SLC9A9: variants seen among roughly 807,000 people sequenced by gnomAD.
SLC9A9 encodes the protein solute carrier family 9 member A9.
In SLC9A9, 62 loss-of-function variants were observed where a neutral mutation model predicts 77.8. The ratio of observed to expected loss-of-function variants is 0.80; its 90% confidence interval spans 0.65 to 0.98. SLC9A9 has a LOEUF of 0.98. Among genes scored for constraint, SLC9A9 ranks in the 50% least tolerant of loss-of-function variants. SLC9A9 has a pLI of 0.00. For missense variants in SLC9A9, 775 were observed against 774.9 expected, an observed-to-expected ratio of 1.00 and a Z score of 0.00; for synonymous variants, 320 against 283.5, an observed-to-expected ratio of 1.13 and a Z score of -1.29.
intron 12 of SLC9A9, among the ~76,000 whole-genome samples, chr3:143,395,460 A>C (rs2033702777): frequency 6.6e-6 from 1 of 152,368 alleles, no homozygotes; most frequent in Middle Eastern, 3.4e-3. Flanking sequence ...AGATGGATTA[A>C]GGACTTAAAT....
In SLC9A9 at chr3:143,681,401, T is replaced by C. The variant is rs1424443693; in HGVS notation, c.649+11791A>G. Among the ~76,000 whole-genome samples the C allele has an allele frequency of 2.6e-5, 4 of 152,240 alleles. No individual in the cohort carries two copies. In the East Asian group the frequency reaches 7.7e-4, roughly 29 times the overall value. ...ATTTTATTCTCTTATAATGTATCGATGTAACAGGTTATGTTAATGGGTTCC... is the reference window on the plus strand; with the variant it reads ...ATTTTATTCTCTTATAATGTATCGACGTAACAGGTTATGTTAATGGGTTCC... On this transcript the variant is annotated intron_variant, in intron 5 of 15. Coordinates refer to ENST00000316549, the MANE Select transcript of SLC9A9 (RefSeq NM_173653.4).
intron 8 of SLC9A9, among the ~76,000 whole-genome samples, chr3:143,562,358 G>A (rs749693256): frequency 5.9e-5 from 9 of 152,218 alleles, no homozygotes; most frequent in Non-Finnish European, 1.2e-4. Flanking sequence ...GAAAAATTTG[G>A]GAGTGCAGGT....
intron 12 of SLC9A9, among the ~76,000 whole-genome samples, chr3:143,458,634 A>C (rs1000086159): frequency 2.0e-5 from 3 of 152,074 alleles, no homozygotes; most frequent in African/African-American, 7.2e-5. Flanking sequence ...CAGTATGAGT[A>C]TATAATTTTT....
intron 9 of SLC9A9, among the ~76,000 whole-genome samples, chr3:143,507,348 C>T (rs2036040280): frequency 6.6e-6 from 1 of 152,120 alleles, no homozygotes; most frequent in African/African-American, 2.4e-5. Flanking sequence ...GCTGGGACTA[C>T]AGGTGCCCGC....
intron 12 of SLC9A9, among the ~76,000 whole-genome samples, chr3:143,419,380 G>A (rs2034256528): frequency 6.6e-6 from 1 of 152,136 alleles, no homozygotes; most frequent in African/African-American, 2.4e-5. Flanking sequence ...AGGCAGCCTT[G>A]CCCTAAAATT....
chr3:143,473,330 G>C (rs1356598168), intron 11 of SLC9A9, among the ~76,000 whole-genome samples: 1 of 152,134 alleles, frequency 6.6e-6, no homozygotes, highest in East Asian at 1.9e-4. Context: ...GAAGAACCCA[G>C]TAGCTTCCCA....
chr3:143,474,685 G>A (rs2035438780), intron 11 of SLC9A9, among the ~76,000 whole-genome samples: 1 of 151,908 alleles, frequency 6.6e-6, no homozygotes, highest in Non-Finnish European at 1.5e-5. Flanking sequence ...CAGAGAGGCT[G>A]AGTGAGTGAT....
chr3:143,618,512 G>A (rs538585034), intron 6 of SLC9A9, among the ~76,000 whole-genome samples: 1 of 152,128 alleles, frequency 6.6e-6, no homozygotes, highest in Non-Finnish European at 1.5e-5. Flanking sequence ...TCCCACAGGG[G>A]CTCAAAGACA....
chr3:143,693,401 A>G (rs1187162241), intron 4 of SLC9A9, 94 bp from the exon 5 acceptor site: 1 of 1,013,568 alleles, frequency 9.9e-7, no homozygotes, highest in African/African-American at 1.6e-5. Flanking sequence ...TTTCCTGAAT[A>G]CGTATCATGC....
At chr3:143,394,539 C>G (rs751876230) in intron 12 of SLC9A9, among the ~76,000 whole-genome samples, 9 of 152,080 alleles carry the variant, frequency 5.9e-5, no homozygotes, top group South Asian at 4.1e-4. Context: ...TTGAAAACTG[C>G]TACAAGACAG....
At chr3:143,394,402 A>G (rs1401282757) in intron 12 of SLC9A9, among the ~76,000 whole-genome samples, 4 of 152,012 alleles carry the variant, frequency 2.6e-5, no homozygotes, top group Admixed American at 2.0e-4. Flanking sequence ...AAATTCAACA[A>G]CTCTTCATGC....
At chr3:143,796,426 G>A (rs2008386276) in intron 3 of SLC9A9, among the ~76,000 whole-genome samples, 1 of 152,106 alleles carries the variant, frequency 6.6e-6, no homozygotes, top group Non-Finnish European at 1.5e-5. Flanking sequence ...TTTAAAAGAT[G>A]AAATAGGTTT....
chr3:143,673,147 C>T (rs920591826), intron 5 of SLC9A9, among the ~76,000 whole-genome samples: 2 of 152,158 alleles, frequency 1.3e-5, no homozygotes, highest in East Asian at 1.9e-4. Context: ...TTTTGGAAGA[C>T]TCTTATTTCC....
At chr3:143,754,199 A>G (rs2006846658) in intron 4 of SLC9A9, among the ~76,000 whole-genome samples, 1 of 152,228 alleles carries the variant, frequency 6.6e-6, no homozygotes, top group African/African-American at 2.4e-5. Flanking sequence ...TGGAAAATAT[A>G]GCAAAACATA....
intron 4 of SLC9A9, among the ~76,000 whole-genome samples, chr3:143,791,381 T>A (rs952059138): frequency 6.6e-6 from 1 of 152,242 alleles, no homozygotes; most frequent in Non-Finnish European, 1.5e-5. Context: ...TCCATTCCTG[T>A]AAAGCATCTG....
At chr3:143,409,856 G>A (rs780060606) in intron 12 of SLC9A9, among the ~76,000 whole-genome samples, 3 of 152,210 alleles carry the variant, frequency 2.0e-5, no homozygotes, top group African/African-American at 4.8e-5. Context: ...TCTTGGTGAT[G>A]TGTTGCTGGG....
intron 9 of SLC9A9, among the ~76,000 whole-genome samples, chr3:143,528,537 T>A (rs2036446216): frequency 6.6e-6 from 1 of 152,204 alleles, no homozygotes; most frequent in Admixed American, 6.5e-5. Context: ...AAGTCCTCTA[T>A]CCCGGTAGTA....
At chr3:143,289,861 G>T (rs2108416040) in intron 14 of SLC9A9, among the ~76,000 whole-genome samples, 1 of 152,226 alleles carries the variant, frequency 6.6e-6, no homozygotes, top group South Asian at 2.1e-4. Flanking sequence ...CAGATCATGG[G>T]ACTCCCTGCT....
At chr3:143,751,190 G>T (rs950515962) in intron 4 of SLC9A9, among the ~76,000 whole-genome samples, 4 of 152,150 alleles carry the variant, frequency 2.6e-5, no homozygotes, top group African/African-American at 9.7e-5. Flanking sequence ...GTCTAAACAG[G>T]CTCATGCTGT....
Sources: allele counts gnomAD v4.1 joint callset (sites outside exome capture counted in the v4.1 genomes callset), GRCh38; gene constraint gnomAD v4.1.1; transcripts MANE v1.5; gene names NCBI Gene and HGNC (gene_info 2026-07-23, HGNC 2026-07-21).